Variants in PDZRN4 observed in about 807,000 individuals in gnomAD.
The protein encoded by PDZRN4 is PDZ domain-containing RING finger protein 4.
In PDZRN4, 70 loss-of-function variants were observed where a neutral mutation model predicts 99.0. The ratio of observed to expected loss-of-function variants is 0.71; its 90% confidence interval spans 0.58 to 0.86. The LOEUF (loss-of-function observed/expected upper bound fraction) is 0.86. Ranked by LOEUF, PDZRN4 falls within the 40% of genes least tolerant of loss-of-function variation. The pLI, the probability that PDZRN4 is intolerant of heterozygous loss-of-function variation, is 0.00. For synonymous variants in PDZRN4, 551 were observed against 501.6 expected, an observed-to-expected ratio of 1.10 and a Z score of -1.32; for missense variants, 1,474 against 1,331.2, an observed-to-expected ratio of 1.11 and a Z score of -1.67.
At chr12:41,525,418 A>G (rs1448543292) in intron 5 of PDZRN4, among the ~76,000 whole-genome samples, 1 of 152,208 alleles carries the variant, frequency 6.6e-6, no homozygotes, top group Admixed American at 6.5e-5. Flanking sequence ...TATTAATAAT[A>G]CATACTTCAT....
At chr12:41,266,697 C>T (rs1279619128) in intron 3 of PDZRN4, among the ~76,000 whole-genome samples, 7 of 152,160 alleles carry the variant, frequency 4.6e-5, no homozygotes, top group African/African-American at 1.7e-4. Context: ...TAATCTTAGA[C>T]TGATCTGTTT....
At chr12:41,531,985 T>C (rs1430109236) in intron 5 of PDZRN4, among the ~76,000 whole-genome samples, 1 of 152,190 alleles carries the variant, frequency 6.6e-6, no homozygotes, top group African/African-American at 2.4e-5. Context: ...GATTCTTCTA[T>C]CTAGTCTAAA....
chr12:41,219,461 T>C (rs577371303), intron 3 of PDZRN4, among the ~76,000 whole-genome samples: 1 of 152,250 alleles, frequency 6.6e-6, no homozygotes, highest in South Asian at 2.1e-4. Flanking sequence ...AATCTAGTAA[T>C]AATGCTCTAG....
intron 3 of PDZRN4, among the ~76,000 whole-genome samples, chr12:41,403,859 A>G (rs1190020365): frequency 6.6e-6 from 1 of 152,190 alleles, no homozygotes; most frequent in Non-Finnish European, 1.5e-5. Flanking sequence ...GCAATACCAA[A>G]CAAAATATAA....
chr12:41,491,596 G>A (rs1204205675), intron 3 of PDZRN4, among the ~76,000 whole-genome samples: 1 of 151,996 alleles, frequency 6.6e-6, no homozygotes, highest in Non-Finnish European at 1.5e-5. Context: ...AATGTTTTTT[G>A]CCTGTGCCTT....
At chr12:41,226,410 T>G (rs1950995274) in intron 3 of PDZRN4, among the ~76,000 whole-genome samples, 1 of 152,060 alleles carries the variant, frequency 6.6e-6, no homozygotes, top group African/African-American at 2.4e-5. Flanking sequence ...TCATGGATTT[T>G]GGGGTTTTGT....
At position 41,515,584 on chromosome 12, in the gene PDZRN4, A is replaced by G. The variant is rs978851023; in HGVS notation, c.1203+5671A>G. Among the ~76,000 whole-genome samples, 7 of 152,040 alleles carry G rather than the reference A, an allele frequency of 4.6e-5. No individual in the cohort carries two copies. In the South Asian group the frequency reaches 1.2e-3, roughly 27 times the overall value. On this transcript the variant is annotated intron_variant, in intron 5 of 9. Transcript: ENST00000402685. Reference sequence around the variant, plus strand: ...CTGGAGTTGGTTCACTGAGGAGCCTATTAATGTCACCACCATTTTCTCAAA... The same window carrying G: ...CTGGAGTTGGTTCACTGAGGAGCCTGTTAATGTCACCACCATTTTCTCAAA...
chr12:41,514,243 TG>T (rs1295497216), intron 5 of PDZRN4, among the ~76,000 whole-genome samples: 1 of 152,062 alleles, frequency 6.6e-6, no homozygotes, highest in Non-Finnish European at 1.5e-5. Flanking sequence ...AGCTTCCTCT[TG>T]GCAGTCCTTA....
chr12:41,529,970 A>G (rs1256119472), intron 5 of PDZRN4, among the ~76,000 whole-genome samples: 3 of 152,176 alleles, frequency 2.0e-5, no homozygotes, highest in African/African-American at 7.2e-5. Flanking sequence ...CCATGTTCCA[A>G]CAATTACCTC....
chr12:41,251,689 A>G (rs1292880052), intron 3 of PDZRN4, among the ~76,000 whole-genome samples: 1 of 152,232 alleles, frequency 6.6e-6, no homozygotes, highest in African/African-American at 2.4e-5. Context: ...TATATGATCT[A>G]TGATAAATCA....
chr12:41,502,660 C>G (rs1292099737), intron 3 of PDZRN4, among the ~76,000 whole-genome samples: 1 of 152,066 alleles, frequency 6.6e-6, no homozygotes, highest in Non-Finnish European at 1.5e-5. Flanking sequence ...TTAAATGGGA[C>G]TCCTTTAATG....
At chr12:41,466,361 CAGTT>C (rs755939140) in intron 3 of PDZRN4, among the ~76,000 whole-genome samples, 1 of 152,300 alleles carries the variant, frequency 6.6e-6, no homozygotes, top group African/African-American at 2.4e-5. Context: ...AATCCCCTGA[CAGTT>C]AGAAAAGCAG....
In PDZRN4 at chr12:41,188,574, G is replaced by C; in HGVS notation, c.119G>C (p.Ser40Thr). The C allele has an allele frequency of 1.3e-6, 2 of 1,546,022 alleles. No homozygotes were observed. The highest frequency in any genetic ancestry group is 2.4e-5 in the South Asian group (2 of 84,852). The change falls in exon 1 of 10, where the codon AGC (serine) becomes ACC (threonine). Residue 40 changes from serine to threonine, a missense_variant. Coordinates refer to ENST00000402685, the MANE Select transcript of PDZRN4 (RefSeq NM_001164595.2). ...CCGTGCGGGCACGTCTTCTGCGCCA[G>C]CTGCCTGTTGCCCTGGGCGGTGCGG... Reference protein sequence around the residue: ...CTPCGHVFCASCLLPWAVRRR... With the variant: ...CTPCGHVFCATCLLPWAVRRR...
intron 3 of PDZRN4, among the ~76,000 whole-genome samples, chr12:41,468,312 T>G (rs1241651763): frequency 6.6e-6 from 1 of 152,036 alleles, no homozygotes; most frequent in African/African-American, 2.4e-5. Context: ...TTTAGAAAAA[T>G]CTCCCACACA....
intron 3 of PDZRN4, among the ~76,000 whole-genome samples, chr12:41,375,975 A>G (rs1189156681): frequency 3.3e-5 from 5 of 152,186 alleles, no homozygotes; most frequent in African/African-American, 4.8e-5. Flanking sequence ...AATTCCACAT[A>G]TAAGCAGGAT....
At chr12:41,344,616 G>A (rs1456698954) in intron 3 of PDZRN4, among the ~76,000 whole-genome samples, 1 of 151,524 alleles carries the variant, frequency 6.6e-6, no homozygotes, top group African/African-American at 2.4e-5. Flanking sequence ...AGGAAACTGG[G>A]TGAAATGTTT....
intron 7 of PDZRN4, among the ~76,000 whole-genome samples, chr12:41,557,682 C>T (rs987503534): frequency 6.1e-5 from 9 of 146,414 alleles, no homozygotes; most frequent in Admixed American, 6.8e-5. Flanking sequence ...TGCAGAGCTC[C>T]TTTTTTTTTT....
intron 3 of PDZRN4, among the ~76,000 whole-genome samples, chr12:41,245,841 C>T (rs1591983120): frequency 6.6e-6 from 1 of 152,154 alleles, no homozygotes; most frequent in East Asian, 1.9e-4. Context: ...CAGCCCCACC[C>T]TTATGTCACA....
At chr12:41,262,198 C>A (rs1951245080) in intron 3 of PDZRN4, among the ~76,000 whole-genome samples, 1 of 152,226 alleles carries the variant, frequency 6.6e-6, no homozygotes, top group Admixed American at 6.5e-5. Flanking sequence ...CCCAGTGGTG[C>A]TGATTGATGA....
Sources: allele counts gnomAD v4.1 joint callset (sites outside exome capture counted in the v4.1 genomes callset), GRCh38; gene constraint gnomAD v4.1.1; transcripts MANE v1.5; gene names NCBI Gene and HGNC (gene_info 2026-07-23, HGNC 2026-07-21).